Variants in GNA13 observed in about 807,000 individuals in gnomAD.
GNA13 encodes the protein guanine nucleotide-binding protein subunit alpha-13.
A neutral mutation model predicts 33.5 loss-of-function variants in GNA13; 4 were observed. The ratio of observed to expected loss-of-function variants is 0.12; its 90% CI spans 0.06 to 0.27. GNA13 has a LOEUF of 0.27. Ranked by LOEUF, GNA13 falls within the 10% of genes least tolerant of loss-of-function variation. The pLI, the probability that GNA13 is intolerant of heterozygous loss-of-function variation, is 1.00. For missense variants in GNA13, 319 were observed against 487.2 expected, an observed-to-expected ratio of 0.65 and a Z score of 3.25; for synonymous variants, 176 against 183.8, an observed-to-expected ratio of 0.96 and a Z score of 0.34.
At chr17:65,027,599 G>T (rs1906840889) in intron 2 of GNA13, among the ~76,000 whole-genome samples, 1 of 152,012 alleles carries the variant, frequency 6.6e-6, no homozygotes, top group Admixed American at 6.5e-5. Flanking sequence ...TGTTCCTGGG[G>T]ACAGTTTTTG....
At chr17:65,027,548 A>G (rs1906838476) in intron 2 of GNA13, among the ~76,000 whole-genome samples, 1 of 152,178 alleles carries the variant, frequency 6.6e-6, no homozygotes, top group Admixed American at 6.5e-5. Flanking sequence ...CTCATATGCA[A>G]TCATCTGTGT....
intron 2 of GNA13, among the ~76,000 whole-genome samples, chr17:65,020,112 T>C (rs1158209540): frequency 1.3e-5 from 2 of 152,250 alleles, no homozygotes; most frequent in Non-Finnish European, 2.9e-5. Context: ...CAAAGCTCAG[T>C]ACGAGGCAAC....
At chr17:65,046,142 TCTC>T (rs1255451950) in intron 2 of GNA13, among the ~76,000 whole-genome samples, 2 of 152,184 alleles carry the variant, frequency 1.3e-5, no homozygotes, top group Admixed American at 6.6e-5. Context: ...CAGGATTCTT[TCTC>T]CTTTTTAAAT....
intron 2 of GNA13, among the ~76,000 whole-genome samples, chr17:65,031,136 C>CA (rs1906991075): frequency 6.6e-6 from 1 of 152,196 alleles, no homozygotes; most frequent in South Asian, 2.1e-4. Flanking sequence ...CAGCCTACTA[C>CA]ATACCTCGGC....
chr17:65,053,827 C>A, intron 1 of GNA13, 99 bp from the exon 2 acceptor site: 1 of 722,814 alleles, frequency 1.4e-6, no homozygotes, highest in Non-Finnish European at 2.3e-6. Flanking sequence ...TCTGAATTAA[C>A]CTAGACAAAC....
chr17:65,045,299 T>C (rs759320577), intron 2 of GNA13, among the ~76,000 whole-genome samples: 1 of 151,698 alleles, frequency 6.6e-6, no homozygotes, highest in Non-Finnish European at 1.5e-5. Context: ...ACATGCAGAT[T>C]ACCTGAGGTC....
At chr17:65,036,225 T>C (rs1321706649) in intron 2 of GNA13, among the ~76,000 whole-genome samples, 1 of 152,184 alleles carries the variant, frequency 6.6e-6, no homozygotes, top group African/African-American at 2.4e-5. Flanking sequence ...CAAGCCAACC[T>C]GTAAATATTT....
At chr17:65,035,912 C>T (rs995196409) in intron 2 of GNA13, among the ~76,000 whole-genome samples, 3 of 152,250 alleles carry the variant, frequency 2.0e-5, no homozygotes, top group Admixed American at 6.5e-5. Flanking sequence ...TAAAGAGAGG[C>T]GCCTATTAGA....
At chr17:65,024,598 T>C (rs910871005) in intron 2 of GNA13, among the ~76,000 whole-genome samples, 3 of 152,222 alleles carry the variant, frequency 2.0e-5, no homozygotes, top group Non-Finnish European at 2.9e-5. Flanking sequence ...AGACCAATGA[T>C]ACTTAATCCT....
chr17:65,020,942 T>C (rs1906560099), intron 2 of GNA13, among the ~76,000 whole-genome samples: 3 of 152,152 alleles, frequency 2.0e-5, no homozygotes, highest in African/African-American at 7.2e-5. Flanking sequence ...TGAGCCACCA[T>C]GACCGGCCTG....
In GNA13 at chr17:65,014,757, C is replaced by T. The variant is rs1311495079; in HGVS notation, c.634G>A (p.Glu212Lys). Reference protein sequence around the residue: ...PTKGIHEYDFEIKNVPFKMVD... With the variant: ...PTKGIHEYDFKIKNVPFKMVD... ...ATTTTGAAAGGAACATTTTTTATTT[C>T]AAAGTCGTATTCATGGATGCCTTTG... Residue 212 changes from glutamate (E) to lysine (K), a missense_variant, in exon 4 of 4, where the codon GAA becomes AAA. This residue lies in a region of GNA13 where 134 missense variants were observed against 241.3 expected (regional missense o/e 0.56). Transcript: ENST00000439174. The surrounding 1 kb of genome is among the most constrained non-coding windows in gnomAD (Gnocchi z 5.3). The T allele has an allele frequency of 6.2e-7, 1 of 1,613,788 alleles. No homozygotes were observed. The highest frequency in any genetic ancestry group is 8.5e-7 in the Non-Finnish European group (1 of 1,179,718).
At chr17:65,016,459 T>C (rs558150217) in intron 3 of GNA13, among the ~76,000 whole-genome samples, 2 of 152,256 alleles carry the variant, frequency 1.3e-5, no homozygotes, top group South Asian at 4.1e-4. Context: ...CCTCCCAGGT[T>C]CAAGCGATTC....
intron 2 of GNA13, among the ~76,000 whole-genome samples, chr17:65,044,489 C>T (rs1009246399): frequency 1.3e-5 from 2 of 152,054 alleles, no homozygotes; most frequent in Admixed American, 1.3e-4. Context: ...AATTAGGTCA[C>T]TTTTAACTGG....
In GNA13 at chr17:65,013,182, T is replaced by C. The variant is rs535767638; in HGVS notation, c.*1075A>G. On this transcript the variant is annotated 3_prime_UTR_variant, in exon 4 of 4. Transcript: ENST00000439174. Reference sequence around the variant, plus strand: ...AAGAATGAACAGGAATCTCAAATAATGCCTTCTTGAATAGTCTTGACAGAA... The same window carrying C: ...AAGAATGAACAGGAATCTCAAATAACGCCTTCTTGAATAGTCTTGACAGAA... 1 of 204,400 alleles carries C rather than the reference T, an allele frequency of 4.9e-6. No individual in the cohort carries two copies. Among genetic ancestry groups the C allele is most frequent in the South Asian group, 1.9e-4 (1 of 5,272 alleles). The allele number at this position is 204,400 out of a possible 1,614,324, so 12.7% of individuals were successfully genotyped here. A position where few individuals can be genotyped will look rare whatever the true frequency, so the allele number is the denominator to read the frequency against.
chr17:65,045,881 CAGA>C (rs1183235543), intron 2 of GNA13, among the ~76,000 whole-genome samples: 3 of 152,170 alleles, frequency 2.0e-5, no homozygotes, highest in African/African-American at 4.8e-5. Context: ...GGGTGGTGGT[CAGA>C]AGAAGTTGGG....
intron 2 of GNA13, among the ~76,000 whole-genome samples, chr17:65,031,470 C>T (rs1435733158): frequency 6.6e-6 from 1 of 152,124 alleles, no homozygotes; most frequent in Non-Finnish European, 1.5e-5. Context: ...TATATAAGTC[C>T]TTTGTTGTGC....
chr17:65,041,668 G>A (rs1363162584), intron 2 of GNA13, among the ~76,000 whole-genome samples: 1 of 152,102 alleles, frequency 6.6e-6, no homozygotes, highest in Non-Finnish European at 1.5e-5. Flanking sequence ...TGGAAGGGGT[G>A]TGGGGAGCAC....
intron 2 of GNA13, among the ~76,000 whole-genome samples, chr17:65,051,530 G>A (rs1427610379): frequency 3.3e-5 from 5 of 152,084 alleles, no homozygotes; most frequent in Admixed American, 6.6e-5. Flanking sequence ...CAGGAGAATC[G>A]CCTGAACCCA....
intron 3 of GNA13, among the ~76,000 whole-genome samples, chr17:65,016,521 C>T (rs1567816622): frequency 6.6e-6 from 1 of 152,150 alleles, no homozygotes; most frequent in African/African-American, 2.4e-5. Context: ...CCACCACGGC[C>T]GGCTACTTCT....
Sources: allele counts gnomAD v4.1 joint callset (sites outside exome capture counted in the v4.1 genomes callset), GRCh38; gene constraint gnomAD v4.1.1; regional missense constraint gnomAD v4.1.1; non-coding constraint Gnocchi (gnomAD v3.1); transcripts MANE v1.5; gene names NCBI Gene and HGNC (gene_info 2026-07-23, HGNC 2026-07-21).